The following RANBP9 variants were observed in gnomAD, a reference collection of about 807,000 sequenced individuals.
RANBP9 encodes ran-binding protein 9.
RANBP9 carries 15 observed loss-of-function variants against 84.3 expected under a neutral mutation model. The observed-to-expected ratio is 0.18, with a 90% CI of 0.12 to 0.27. The LOEUF (loss-of-function observed/expected upper bound fraction) is 0.27, where lower values mean the gene tolerates loss of function less well. Ranked by LOEUF, RANBP9 falls within the 10% of genes least tolerant of loss-of-function variation. The pLI is 1.00. For missense variants in RANBP9, 809 were observed against 912.8 expected (o/e 0.89, Z 1.46); for synonymous variants, 392 against 349.6 (o/e 1.12, Z -1.35).
chr6:13,647,116 G>GA (rs756609621), intron 5 of RANBP9, among the ~76,000 whole-genome samples: 6 of 152,120 alleles, frequency 3.9e-5, no homozygotes, highest in Non-Finnish European at 7.4e-5. Flanking sequence ...AAGAAATCTG[G>GA]AAAAATCTAT....
At chr6:13,676,725 A>T (rs1765892942) in intron 2 of RANBP9, among the ~76,000 whole-genome samples, 1 of 152,158 alleles carries the variant, frequency 6.6e-6, no homozygotes, top group Non-Finnish European at 1.5e-5. Context: ...AAAAAAAACA[A>T]TGTAATCAAT....
intron 2 of RANBP9, among the ~76,000 whole-genome samples, chr6:13,677,204 C>T (rs750002739): frequency 2.0e-5 from 3 of 152,080 alleles, no homozygotes; most frequent in African/African-American, 4.8e-5. Context: ...CAATTTCCTA[C>T]GCACCAGCAA....
intron 13 of RANBP9, among the ~76,000 whole-genome samples, chr6:13,624,727 C>T (rs546338858): frequency 3.5e-4 from 53 of 152,168 alleles, no homozygotes; most frequent in African/African-American, 1.2e-3. Context: ...ATTAGCGTTT[C>T]GCACTTGATG....
chr6:13,681,526 G>A (rs1271801241), intron 2 of RANBP9, among the ~76,000 whole-genome samples: 1 of 151,052 alleles, frequency 6.6e-6, no homozygotes, highest in Non-Finnish European at 1.5e-5. Context: ...TAAAAGGAGG[G>A]GACTATAGGT....
At chr6:13,642,646 T>A in intron 6 of RANBP9, 55 bp from the exon 7 acceptor site, 1 of 1,184,728 alleles carries the variant, frequency 8.4e-7, no homozygotes, top group Non-Finnish European at 1.2e-6. Context: ...ACATGCTTCA[T>A]ACTACAATTT....
chr6:13,687,308 C>A (rs1037834600), intron 2 of RANBP9, among the ~76,000 whole-genome samples: 1 of 152,082 alleles, frequency 6.6e-6, no homozygotes, highest in African/African-American at 2.4e-5. Context: ...AAACACTGTT[C>A]TCATCATCAT....
rs750330790 is a variant in RANBP9 at position 13,711,458 on chromosome 6, CTGCTGT to C, written c.42_47del (p.Gln17_Gln18del). 1 of 1,231,812 alleles carries C rather than the reference CTGCTGT, an allele frequency of 8.1e-7. No homozygotes were observed. The highest frequency in any genetic ancestry group is 1.6e-5 in the African/African-American group (1 of 63,852). The allele number at this position is 1,231,812 out of a possible 1,614,324, so 76.3% of individuals were successfully genotyped here. On this transcript the variant is annotated inframe_deletion, in exon 1 of 14. Transcript: ENST00000011619. The stretch of plus-strand genomic sequence containing the variant: ...CCGGCGGTGGCGGCGACAGCTGCTG[CTGCTGT>C]TGCTGCTGCTGCGGCGGCGGCGGCG...
At chr6:13,663,730 C>A (rs1357488816) in intron 2 of RANBP9, among the ~76,000 whole-genome samples, 1 of 151,844 alleles carries the variant, frequency 6.6e-6, no homozygotes, top group Non-Finnish European at 1.5e-5. Context: ...TAGTGTTTAA[C>A]CCAAGAACAA....
intron 4 of RANBP9, among the ~76,000 whole-genome samples, chr6:13,656,042 A>G (rs1374923016): frequency 6.6e-6 from 1 of 152,190 alleles, no homozygotes; most frequent in Non-Finnish European, 1.5e-5. Context: ...GTAATCAGAA[A>G]TAGAAATGCT....
At chr6:13,695,642 A>G (rs926545614) in intron 2 of RANBP9, among the ~76,000 whole-genome samples, 3 of 152,132 alleles carry the variant, frequency 2.0e-5, no homozygotes, top group African/African-American at 7.2e-5. Context: ...TTGTAAAGTG[A>G]GAAATGGTGA....
chr6:13,643,982 G>A (rs1446472549), intron 6 of RANBP9, among the ~76,000 whole-genome samples: 1 of 152,084 alleles, frequency 6.6e-6, no homozygotes, highest in East Asian at 1.9e-4. Flanking sequence ...GAAATGTGTT[G>A]GACCAACTGT....
chr6:13,685,466 G>A (rs984390950), intron 2 of RANBP9, among the ~76,000 whole-genome samples: 1 of 152,068 alleles, frequency 6.6e-6, no homozygotes, highest in Non-Finnish European at 1.5e-5. Context: ...CTAGCTACTC[G>A]AGTGGCTGAG....
chr6:13,703,002 C>A (rs1318984657), intron 1 of RANBP9, among the ~76,000 whole-genome samples: 2 of 152,194 alleles, frequency 1.3e-5, no homozygotes, highest in Non-Finnish European at 2.9e-5. Context: ...ATCACTTCCT[C>A]ATTTCTAGGG....
At chr6:13,697,027 C>A in intron 1 of RANBP9, 131 bp from the exon 2 acceptor site, 1 of 616,458 alleles carries the variant, frequency 1.6e-6, no homozygotes, top group Admixed American at 3.6e-5. Flanking sequence ...TTCAAATACT[C>A]AATAAAACGT....
intron 12 of RANBP9, among the ~76,000 whole-genome samples, chr6:13,626,077 C>T (rs1203658216): frequency 6.6e-6 from 1 of 152,018 alleles, no homozygotes; most frequent in Non-Finnish European, 1.5e-5. Flanking sequence ...GAAGGCAAAA[C>T]ATTCAGATGT....
chr6:13,698,936 C>T (rs777370265), intron 1 of RANBP9, among the ~76,000 whole-genome samples: 3 of 152,056 alleles, frequency 2.0e-5, no homozygotes, highest in Non-Finnish European at 2.9e-5. Flanking sequence ...TTCACATATC[C>T]CCATGTCCTA....
intron 5 of RANBP9, among the ~76,000 whole-genome samples, chr6:13,646,945 C>T (rs181283890): frequency 3.3e-5 from 5 of 152,154 alleles, no homozygotes; most frequent in South Asian, 2.1e-4. Context: ...ATTTTTAATG[C>T]GCACTTAAAA....
intron 2 of RANBP9, among the ~76,000 whole-genome samples, chr6:13,670,624 G>A (rs1406635191): frequency 6.6e-6 from 1 of 151,604 alleles, no homozygotes; most frequent in Admixed American, 6.6e-5. Flanking sequence ...GTGAAACCCC[G>A]TCTCTACCAA....
chr6:13,635,786 G>C (rs1478604768), intron 10 of RANBP9, among the ~76,000 whole-genome samples: 1 of 151,556 alleles, frequency 6.6e-6, no homozygotes, highest in Non-Finnish European at 1.5e-5. Flanking sequence ...ACAGCTTTCA[G>C]TGGCTTTTTA....
Sources: allele counts gnomAD v4.1 joint callset (sites outside exome capture counted in the v4.1 genomes callset), GRCh38; gene constraint gnomAD v4.1.1; transcripts MANE v1.5; gene names NCBI Gene and HGNC (gene_info 2026-07-23, HGNC 2026-07-21).